DLG1: variants seen among roughly 807,000 people sequenced by gnomAD.
The protein encoded by DLG1 is disks large homolog 1.
In DLG1, 42 loss-of-function variants were observed where a neutral mutation model predicts 123.4. That is an observed-to-expected ratio of 0.34 (90% confidence interval 0.27 to 0.44). DLG1 has a LOEUF of 0.44. Ranked by LOEUF, DLG1 falls within the 20% of genes least tolerant of loss-of-function variation. The probability of loss-of-function intolerance (pLI) is 1.00; values close to 1 mark genes in which losing one functional copy is unlikely to be tolerated. For missense variants in DLG1, 942 were observed against 1,082.6 expected (o/e 0.87, Z 1.82); for synonymous variants, 317 against 356.2 (o/e 0.89, Z 1.24).
chr3:197,273,861 A>AAAAAAAC (rs1282806496), intron 4 of DLG1, among the ~76,000 whole-genome samples: 2 of 150,524 alleles, frequency 1.3e-5, no homozygotes, highest in African/African-American at 4.9e-5. Context: ...AAAAAAAAAA[A>AAAAAAAC]AAAACCAAAA....
At chr3:197,221,168 T>C (rs1460027712) in intron 4 of DLG1, among the ~76,000 whole-genome samples, 4 of 152,228 alleles carry the variant, frequency 2.6e-5, no homozygotes, top group South Asian at 2.1e-4. Flanking sequence ...GGTAGCTCTT[T>C]TGCAATATTT....
At chr3:197,177,689 G>A (rs1807863547) in intron 5 of DLG1, among the ~76,000 whole-genome samples, 1 of 152,102 alleles carries the variant, frequency 6.6e-6, no homozygotes, top group Non-Finnish European at 1.5e-5. Context: ...ATTTATGCCT[G>A]TTGTCTCACT....
At chr3:197,293,759 G>A (rs364644) in intron 3 of DLG1, 86,482 of 153,268 alleles carry the variant, frequency 0.56, 24,911 homozygotes, top group East Asian at 0.78. Flanking sequence ...ATAACTCACT[G>A]CGGCCTAAAC....
At chr3:197,148,373 T>A (rs569789845) in intron 6 of DLG1, among the ~76,000 whole-genome samples, 2 of 128,814 alleles carry the variant, frequency 1.6e-5, no homozygotes, top group Admixed American at 9.6e-5. Context: ...ATTGTGCCAA[T>A]GCACTCCAGC....
chr3:197,117,286 G>T (rs1438337886), intron 12 of DLG1, among the ~76,000 whole-genome samples: 1 of 152,180 alleles, frequency 6.6e-6, no homozygotes, highest in East Asian at 1.9e-4. Flanking sequence ...TGGTTCCTCA[G>T]AAAGCTAACA....
At chr3:197,133,637 T>C (rs142841557) in intron 10 of DLG1, among the ~76,000 whole-genome samples, 42 of 152,322 alleles carry the variant, frequency 2.8e-4, no homozygotes, top group African/African-American at 9.4e-4. Flanking sequence ...CAGAGTCGTC[T>C]TCTACACATT....
chr3:197,224,945 C>T (rs1335198491), intron 4 of DLG1, among the ~76,000 whole-genome samples: 1 of 148,226 alleles, frequency 6.7e-6, no homozygotes, highest in African/African-American at 2.5e-5. Context: ...TAGCTTTAAA[C>T]CACATGTTGT....
intron 5 of DLG1, among the ~76,000 whole-genome samples, chr3:197,177,023 G>C (rs1269296758): frequency 6.6e-6 from 1 of 150,850 alleles, no homozygotes; most frequent in Non-Finnish European, 1.5e-5. Flanking sequence ...AAAATGTGTT[G>C]AAACAGTGTT....
At chr3:197,235,497 G>C (rs1028445479) in intron 4 of DLG1, among the ~76,000 whole-genome samples, 5 of 152,192 alleles carry the variant, frequency 3.3e-5, no homozygotes, top group African/African-American at 1.2e-4. Flanking sequence ...ACAGAGCAGA[G>C]GGGCCTCAAT....
chr3:197,187,160 G>T (rs1716577874), intron 5 of DLG1, among the ~76,000 whole-genome samples: 1 of 152,090 alleles, frequency 6.6e-6, no homozygotes, highest in Non-Finnish European at 1.5e-5. Context: ...CCTTCTGTAT[G>T]AGCACCATCT....
chr3:197,296,952 T>TG, intron 2 of DLG1: 1 of 489,278 alleles, frequency 2.0e-6, no homozygotes. Flanking sequence ...AGGACATCTG[T>TG]TGGGGGGGGG....
At chr3:197,107,469 T>C (rs1334832568) in intron 13 of DLG1, among the ~76,000 whole-genome samples, 2 of 151,812 alleles carry the variant, frequency 1.3e-5, no homozygotes, top group African/African-American at 2.4e-5. Context: ...GGCGTGAAGC[T>C]GGGAGGCGGA....
intron 4 of DLG1, among the ~76,000 whole-genome samples, chr3:197,216,326 C>G (rs748554581): frequency 3.3e-5 from 5 of 152,192 alleles, no homozygotes; most frequent in Non-Finnish European, 7.4e-5. Flanking sequence ...TTGAAAGATT[C>G]CCAAGATTAT....
intron 4 of DLG1, among the ~76,000 whole-genome samples, chr3:197,245,900 T>TTGG (rs1554044956): frequency 7.0e-5 from 6 of 85,398 alleles, no homozygotes; most frequent in Non-Finnish European, 1.1e-4. Context: ...TTTTTTTTTT[T>TTGG]GGGGGGGGGG....
intron 13 of DLG1, among the ~76,000 whole-genome samples, chr3:197,108,361 T>C (rs1767796423): frequency 6.6e-6 from 1 of 152,232 alleles, no homozygotes; most frequent in East Asian, 1.9e-4. Flanking sequence ...GGGAAGAGTT[T>C]GTGAATGATT....
At chr3:197,295,123 T>C (rs1169448967) in intron 3 of DLG1, among the ~76,000 whole-genome samples, 1 of 152,154 alleles carries the variant, frequency 6.6e-6, no homozygotes, top group Admixed American at 6.5e-5. Context: ...TAAACAAAAA[T>C]GGCAAAATGT....
In DLG1 at chr3:197,059,889, A is replaced by G. The variant is rs754581777; in HGVS notation, c.2483T>C (p.Met828Thr). 10 of 1,605,372 alleles carry G rather than the reference A, an allele frequency of 6.2e-6. No individual in the cohort carries two copies. Among genetic ancestry groups the G allele is most frequent in the Admixed American group, 3.3e-5 (2 of 59,888 alleles). ...CTATGCCTTAGGCATTTACACTTAC[A>G]TGATATTTTCCATGGATTTGGGTTT... ...FIKPKSMENI[M>T]EMNKRLTEEQ... Residue 828 changes from methionine (M) to threonine (T), a missense_variant and splice_region_variant, in exon 23 of 25, where the codon ATG becomes ACG. Physicochemically the swap from Met to Thr is moderately conservative, Grantham distance 81. Transcript: ENST00000667157.
chr3:197,072,191 G>GT (rs903556669), intron 18 of DLG1, among the ~76,000 whole-genome samples: 7 of 151,596 alleles, frequency 4.6e-5, no homozygotes, highest in African/African-American at 9.7e-5. Flanking sequence ...TTTTACCACG[G>GT]TTTTTTTTAT....
intron 4 of DLG1, among the ~76,000 whole-genome samples, chr3:197,228,706 T>G (rs1039248927): frequency 2.6e-5 from 4 of 152,232 alleles, no homozygotes; most frequent in African/African-American, 7.2e-5. Flanking sequence ...TAAAGTGTCT[T>G]AGGCTGTTCT....
Sources: gnomAD v4.1 joint callset for allele counts (sites outside exome capture counted in the v4.1 genomes callset) on GRCh38, gnomAD v4.1.1 for gene constraint, MANE v1.5 for transcripts, NCBI Gene and HGNC (gene_info 2026-07-23, HGNC 2026-07-21) for gene names.